Variants in COL28A1 observed in about 807,000 individuals in gnomAD.
COL28A1 encodes the protein collagen type XXVIII alpha 1 chain.
Under a neutral mutation model 150.2 loss-of-function variants are expected in COL28A1, and 161 were observed. The observed-to-expected ratio is 1.07, with a 90% CI of 0.94 to 1.22. The LOEUF (loss-of-function observed/expected upper bound fraction) is 1.22. Among genes scored for constraint, COL28A1 ranks in the 50% most tolerant of loss-of-function variants. COL28A1 has a pLI of 0.00. For missense variants in COL28A1, 1,617 were observed against 1,388.3 expected (o/e 1.16, Z -2.62); for synonymous variants, 552 against 469.7 (o/e 1.18, Z -2.26).
At chr7:7,457,230 T>G (rs1039332760) in intron 15 of COL28A1, among the ~76,000 whole-genome samples, 1 of 152,148 alleles carries the variant, frequency 6.6e-6, no homozygotes, top group African/African-American at 2.4e-5. Flanking sequence ...ACTTGGTTTT[T>G]AAGGCCCCAT....
At chr7:7,502,557 A>G (rs1780591229) in intron 11 of COL28A1, among the ~76,000 whole-genome samples, 1 of 152,218 alleles carries the variant, frequency 6.6e-6, no homozygotes, top group East Asian at 1.9e-4. Flanking sequence ...GGCAGGCCCT[A>G]TCTAGAACCT....
At chr7:7,523,529 G>A (rs528586820) in intron 4 of COL28A1, among the ~76,000 whole-genome samples, 1 of 151,694 alleles carries the variant, frequency 6.6e-6, no homozygotes, top group Non-Finnish European at 1.5e-5. Context: ...AATAAAACAT[G>A]GTGTGACGTA....
chr7:7,421,516 A>G (rs77125208), intron 25 of COL28A1, among the ~76,000 whole-genome samples: 3,620 of 151,968 alleles, frequency 0.024, 128 homozygotes, highest in African/African-American at 0.076. Context: ...GCTTTGAACT[A>G]CCACCCAAGA....
At chr7:7,510,999 G>T (rs1781102136) in intron 9 of COL28A1, 92 bp downstream of exon 9, 1 of 978,088 alleles carries the variant, frequency 1.0e-6, no homozygotes, top group Non-Finnish European at 1.6e-6. Context: ...CTAGTAGTGA[G>T]ATCACCATAA....
intron 13 of COL28A1, among the ~76,000 whole-genome samples, chr7:7,485,912 T>C (rs1168151703): frequency 6.6e-6 from 1 of 152,192 alleles, no homozygotes; most frequent in Non-Finnish European, 1.5e-5. Context: ...GTGTATTCTT[T>C]TTCAAGTTTT....
At chr7:7,424,749 C>A (rs2128310562) in intron 25 of COL28A1, among the ~76,000 whole-genome samples, 1 of 152,240 alleles carries the variant, frequency 6.6e-6, no homozygotes, top group Admixed American at 6.5e-5. Context: ...GTTTAGATGG[C>A]ATACCACTTC....
In COL28A1 at chr7:7,373,611, G is replaced by A; in HGVS notation, c.2360-65C>T. The A allele has an allele frequency of 7.4e-7, 1 of 1,355,394 alleles. No homozygotes were observed. Among genetic ancestry groups the A allele is most frequent in the Non-Finnish European group, 1.0e-6 (1 of 980,586 alleles). 84.0% of individuals were successfully genotyped at this position (1,355,394 alleles called of 1,614,324 possible). Reference sequence around the variant, plus strand: ...ATTGACATCAGATTGTTGAGGGGAGGGGAGAAAAAGTCAATGATGAACCTG... The same window carrying A: ...ATTGACATCAGATTGTTGAGGGGAGAGGAGAAAAAGTCAATGATGAACCTG... On this transcript the variant is annotated intron_variant, in intron 31 of 34. Coordinates refer to ENST00000399429, the MANE Select transcript of COL28A1 (RefSeq NM_001037763.3). The surrounding 1 kb of genome is among the most constrained non-coding windows in gnomAD (Gnocchi z 4.1).
At chr7:7,402,022 A>G (rs1423498136) in intron 27 of COL28A1, among the ~76,000 whole-genome samples, 1 of 152,258 alleles carries the variant, frequency 6.6e-6, no homozygotes, top group Non-Finnish European at 1.5e-5. Flanking sequence ...AAGGACAAAT[A>G]ACAATGCTCA....
At chr7:7,370,104 C>A (rs770251321) in intron 33 of COL28A1, among the ~76,000 whole-genome samples, 1 of 152,304 alleles carries the variant, frequency 6.6e-6, no homozygotes, top group South Asian at 2.1e-4. Flanking sequence ...GCTATGAGGA[C>A]AGTCACATTT....
In COL28A1 at chr7:7,373,488, T is replaced by A; in HGVS notation, c.2418A>T (p.Ser806=). The change falls in exon 32 of 35, where the codon TCA becomes TCT. Residue 806 remains serine, a synonymous_variant. Transcript: ENST00000399429. The surrounding 1 kb of genome is among the most constrained non-coding windows in gnomAD (Gnocchi z 4.1). ...GAAAGTTCTCTGGCCCCACGCTTTC[T>A]GAGCTGTCGATCACAAACACCAGCT... ...PLELVFVIDS[S]ESVGPENFQI... 1.2e-6 allele frequency: 2 copies of A among 1,614,110 alleles called. No homozygotes were observed. The highest frequency in any genetic ancestry group is 1.7e-6 in the Non-Finnish European group (2 of 1,180,028).
rs540976835 is a variant in COL28A1, at chr7:7,419,759, G to A, written c.2067+126C>T. ...GTTCACCTGATATGAAAAATAAGAC[G>A]TTTCATCAGTCACCAAGAAAAAAAT... On this transcript the variant is annotated intron_variant, in intron 26 of 34. Coordinates refer to ENST00000399429, the MANE Select transcript of COL28A1 (RefSeq NM_001037763.3). 6.4e-6 allele frequency: 3 copies of A among 472,324 alleles called. No individual in the cohort carries two copies. In the South Asian group the frequency reaches 2.4e-4, roughly 38 times the overall value. 29.3% of individuals were successfully genotyped at this position (472,324 alleles called of 1,614,324 possible).
At chr7:7,388,822 A>G (rs528798892) in intron 27 of COL28A1, among the ~76,000 whole-genome samples, 1 of 152,118 alleles carries the variant, frequency 6.6e-6, no homozygotes, top group Non-Finnish European at 1.5e-5. Context: ...GTGTCTGTTC[A>G]TATCCTTCAC....
At chr7:7,506,773 A>AGTAGCAGT (rs1314150826) in intron 10 of COL28A1, among the ~76,000 whole-genome samples, 8 of 152,216 alleles carry the variant, frequency 5.3e-5, no homozygotes, top group Non-Finnish European at 1.2e-4. Context: ...ACTACATTAT[A>AGTAGCAGT]GTAGCAGTGC....
chr7:7,464,364 T>C (rs1787885156), intron 15 of COL28A1, among the ~76,000 whole-genome samples: 1 of 152,210 alleles, frequency 6.6e-6, no homozygotes, highest in Non-Finnish European at 1.5e-5. Context: ...ATATACATTC[T>C]ATTCAACAGT....
intron 23 of COL28A1, among the ~76,000 whole-genome samples, chr7:7,435,970 T>G (rs1785310742): frequency 6.6e-6 from 1 of 152,234 alleles, no homozygotes. Flanking sequence ...TGGTTTCTTC[T>G]TATTTGTCTT....
chr7:7,424,283 T>C (rs531734028), intron 25 of COL28A1, among the ~76,000 whole-genome samples: 1 of 152,322 alleles, frequency 6.6e-6, no homozygotes, highest in African/African-American at 2.4e-5. Flanking sequence ...CTCTCCACTA[T>C]GGTGGGGTCT....
At chr7:7,384,507 A>C (rs1406142910) in intron 27 of COL28A1, among the ~76,000 whole-genome samples, 2 of 152,198 alleles carry the variant, frequency 1.3e-5, no homozygotes, top group African/African-American at 4.8e-5. Context: ...CATTCACATA[A>C]CTTTGATGAC....
intron 27 of COL28A1, among the ~76,000 whole-genome samples, chr7:7,393,869 C>T (rs1198134230): frequency 1.3e-5 from 2 of 152,034 alleles, no homozygotes; most frequent in Non-Finnish European, 2.9e-5. Context: ...CTAGGCTCCG[C>T]GGGGGTGGGA....
In COL28A1 at chr7:7,488,777, A is replaced by G. The variant is rs181178201; in HGVS notation, c.1164+612T>C. 3.0e-3 allele frequency among the ~76,000 whole-genome samples: 453 copies of G among 152,348 alleles called. 1 individual carries two copies. The highest frequency in any genetic ancestry group is 0.01 in the Middle Eastern group (3 of 294). On this transcript the variant is annotated intron_variant, in intron 13 of 34. Transcript: ENST00000399429. ...TCATGGTTACAAAGAAATCCATTATAAAGTATAAACATTAGGCTTGAGTCC... is the reference window on the plus strand; with the variant it reads ...TCATGGTTACAAAGAAATCCATTATGAAGTATAAACATTAGGCTTGAGTCC...
Sources: allele counts gnomAD v4.1 joint callset (sites outside exome capture counted in the v4.1 genomes callset), GRCh38; gene constraint gnomAD v4.1.1; non-coding constraint Gnocchi (gnomAD v3.1); transcripts MANE v1.5; gene names NCBI Gene and HGNC (gene_info 2026-07-23, HGNC 2026-07-21).